The following GRIN2D variants were observed in gnomAD, a reference collection of about 807,000 sequenced individuals.
GRIN2D encodes the protein glutamate receptor ionotropic, NMDA 2D.
GRIN2D carries 37 observed loss-of-function variants against 103.2 expected under a neutral mutation model. The ratio of observed to expected loss-of-function variants is 0.36; its 90% CI spans 0.28 to 0.47. GRIN2D has a LOEUF of 0.47. Ranked by LOEUF, GRIN2D falls within the 20% of genes least tolerant of loss-of-function variation. The pLI, the probability that GRIN2D is intolerant of heterozygous loss-of-function variation, is 1.00. For synonymous variants in GRIN2D, 845 were observed against 885.6 expected (o/e 0.95, Z 0.81); for missense variants, 1,557 against 1,910.6 (o/e 0.81, Z 3.45).
intron 11 of GRIN2D, among the ~76,000 whole-genome samples, chr19:48,431,824 A>G (rs1971159861): frequency 6.6e-6 from 1 of 152,020 alleles, no homozygotes; most frequent in Admixed American, 6.6e-5. Flanking sequence ...ACCTCAGGTG[A>G]TCCACCCGCC....
Position 48,429,719 on chromosome 19 carries a change from G to GTA in GRIN2D, c.2252+7775_2252+7776insAT, listed in dbSNP as rs1370139257. ...CGGCCTAATTTTAATTTTTTAATGTGTGTGTGTGTGTGTGTGTGTGTAGAG... is the reference window on the plus strand; with the variant it reads ...CGGCCTAATTTTAATTTTTTAATGTGTATGTGTGTGTGTGTGTGTGTGTAGAG... On this transcript the variant is annotated intron_variant, in intron 11 of 13. Transcript: ENST00000263269. Among the ~76,000 whole-genome samples the GTA allele has an allele frequency of 1.3e-5, 2 of 151,244 alleles. 1 individual carries two copies. The highest frequency in any genetic ancestry group is 4.2e-4 in the South Asian group (2 of 4,750).
chr19:48,397,527 G>T (rs547289906), intron 2 of GRIN2D, among the ~76,000 whole-genome samples: 2 of 151,724 alleles, frequency 1.3e-5, no homozygotes, highest in East Asian at 3.9e-4. Context: ...TTATGTGCGC[G>T]TGTCTCTTGG....
At chr19:48,406,008 A>C (rs944002910) in intron 4 of GRIN2D, among the ~76,000 whole-genome samples, 3 of 152,226 alleles carry the variant, frequency 2.0e-5, no homozygotes, top group Non-Finnish European at 2.9e-5. Flanking sequence ...GACACGCCTC[A>C]TACCTTACTG....
intron 3 of GRIN2D, among the ~76,000 whole-genome samples, chr19:48,402,132 G>T (rs4009670): frequency 0.33 from 45,348 of 138,750 alleles, 7,627 homozygotes; most frequent in East Asian, 0.49. Flanking sequence ...AAGAAAGAAA[G>T]AAAGAAAGAA....
At chr19:48,423,416 G>A (rs1971046997) in intron 11 of GRIN2D, among the ~76,000 whole-genome samples, 1 of 152,124 alleles carries the variant, frequency 6.6e-6, no homozygotes, top group Non-Finnish European at 1.5e-5. Flanking sequence ...CAATAAACAT[G>A]CAAACAGAAA....
At chr19:48,419,842 A>C in intron 10 of GRIN2D, 28 bp downstream of exon 10, 5 of 1,342,268 alleles carry the variant, frequency 3.7e-6, no homozygotes, top group Non-Finnish European at 4.0e-6. Context: ...GCTGGGCTGG[A>C]GCTGGGGCTG....
rs774341360 is a variant in GRIN2D, at chr19:48,413,951, C to G, written c.1086-40C>G. The G allele has an allele frequency of 6.8e-6, 8 of 1,178,030 alleles. No individual in the cohort carries two copies. In the Admixed American group the frequency reaches 1.4e-4, roughly 20 times the overall value. The allele number at this position is 1,178,030 out of a possible 1,614,324, so 73.0% of individuals were successfully genotyped here. ...TCTGCCTTCCGCTGCCAAGGTCCAG[C>G]CCAGGCCCCAGCATGTCCCCTTTCC... On this transcript the variant is annotated intron_variant, in intron 4 of 13. Coordinates refer to ENST00000263269, the MANE Select transcript of GRIN2D (RefSeq NM_000836.4).
chr19:48,402,777 A>C (rs1037651501), intron 3 of GRIN2D, among the ~76,000 whole-genome samples: 97 of 131,954 alleles, frequency 7.4e-4, no homozygotes, highest in African/African-American at 2.7e-3. Flanking sequence ...AGAGAGAGAG[A>C]GAGAGAGAGA....
rs1244394643 is a variant in GRIN2D, at chr19:48,413,963, C to A, written c.1086-28C>A. The A allele has an allele frequency of 8.5e-6, 11 of 1,288,384 alleles. No homozygotes were observed. The South Asian group carries it at 1.3e-4, about 15-fold the overall frequency. 79.8% of individuals were successfully genotyped at this position (1,288,384 alleles called of 1,614,324 possible). A position where few individuals can be genotyped will look rare whatever the true frequency, so the allele number is the denominator to read the frequency against. ...TGCCAAGGTCCAGCCCAGGCCCCAG[C>A]ATGTCCCCTTTCCCTCCTCCTGGGC... On this transcript the variant is annotated intron_variant, in intron 4 of 13. Transcript: ENST00000263269.
chr19:48,402,765 C>A (rs1178245530), intron 3 of GRIN2D, among the ~76,000 whole-genome samples: 11 of 108,958 alleles, frequency 1.0e-4, no homozygotes, highest in South Asian at 3.3e-4. Context: ...TACTCCTTTA[C>A]GAGAGAGAGA....
chr19:48,414,135 G>A lies in GRIN2D; in HGVS notation c.1200+30G>A. 1 of 1,334,918 alleles carries A rather than the reference G, an allele frequency of 7.5e-7. No homozygotes were observed. Among genetic ancestry groups the A allele is most frequent in the Non-Finnish European group, 1.1e-6 (1 of 927,062 alleles). 82.7% of individuals were successfully genotyped at this position (1,334,918 alleles called of 1,614,324 possible). A position where few individuals can be genotyped will look rare whatever the true frequency, so the allele number is the denominator to read the frequency against. On this transcript the variant is annotated intron_variant, in intron 5 of 13. Coordinates refer to ENST00000263269, the MANE Select transcript of GRIN2D (RefSeq NM_000836.4). This position sits in a 1 kb window ranked among gnomAD's most constrained non-coding sequence, Gnocchi z 4.6. ...GTCGTAGCCCCAGACCTCAGGCATG[G>A]CAGAGGGTGTGGACTCCTGCATCCT...
chr19:48,419,187 A>T (rs1022221458), intron 8 of GRIN2D, 47 bp from the exon 9 acceptor site: 7 of 1,572,786 alleles, frequency 4.5e-6, no homozygotes, highest in African/African-American at 1.4e-5. Context: ...CTGATCCCCG[A>T]GTCTTTTGCT....
At chr19:48,397,393 T>A (rs1970656536) in intron 2 of GRIN2D, among the ~76,000 whole-genome samples, 1 of 152,084 alleles carries the variant, frequency 6.6e-6, no homozygotes, top group South Asian at 2.1e-4. Context: ...CCGCCTTACT[T>A]TCATGTCTGT....
chr19:48,417,657 C>G (rs1297175295), intron 8 of GRIN2D, among the ~76,000 whole-genome samples: 2 of 152,176 alleles, frequency 1.3e-5, no homozygotes, highest in Admixed American at 6.6e-5. Flanking sequence ...CCACGTGGGG[C>G]CCCTGCTTGC....
intron 2 of GRIN2D, among the ~76,000 whole-genome samples, chr19:48,396,522 C>T (rs1182748297): frequency 1.3e-5 from 2 of 151,478 alleles, no homozygotes; most frequent in Non-Finnish European, 1.5e-5. Flanking sequence ...CCCGCGGGGG[C>T]CAGGCCACAG....
intron 11 of GRIN2D, 46 bp from the exon 12 acceptor site, chr19:48,441,723 G>A (rs1177934817): frequency 6.0e-6 from 9 of 1,507,736 alleles, no homozygotes; most frequent in Non-Finnish European, 7.2e-6. Context: ...GGCGGCCAGG[G>A]CATCTAGGTG....
At position 48,421,420 on chromosome 19, in the gene GRIN2D, C is replaced by A. The variant is rs1207575572; in HGVS notation, c.2092-365C>A. Among the ~76,000 whole-genome samples the A allele has an allele frequency of 5.0e-5, 5 of 99,218 alleles. No homozygotes were observed. In the Admixed American group the frequency reaches 5.1e-4, roughly 10 times the overall value. 65.1% of individuals were successfully genotyped at this position (99,218 alleles called of 152,430 possible). A position where few individuals can be genotyped will look rare whatever the true frequency, so the allele number is the denominator to read the frequency against. ...TCCAGCCTGGGCAACAAGAGCAAGA[C>A]TCCGTTTAAAAAAAAAAAAGTGAAC... On this transcript the variant is annotated intron_variant, in intron 10 of 13. Coordinates refer to ENST00000263269, the MANE Select transcript of GRIN2D (RefSeq NM_000836.4). The surrounding 1 kb of genome is among the most constrained non-coding windows in gnomAD (Gnocchi z 4.8).
chr19:48,412,479 A>AAGAAAGAAAG (rs1555892674), intron 4 of GRIN2D, among the ~76,000 whole-genome samples: 1 of 136,798 alleles, frequency 7.3e-6, no homozygotes, highest in Non-Finnish European at 1.6e-5. Context: ...GAAAGAAAGA[A>AAGAAAGAAAG]AGAGAGAGAA....
intron 10 of GRIN2D, among the ~76,000 whole-genome samples, chr19:48,420,435 C>CA (rs1235841125): frequency 1.3e-5 from 2 of 151,938 alleles, no homozygotes; most frequent in Non-Finnish European, 2.9e-5. Context: ...CTCAAAAAAA[C>CA]AAAAAACTGC....
Sources: allele counts gnomAD v4.1 joint callset (sites outside exome capture counted in the v4.1 genomes callset), GRCh38; gene constraint gnomAD v4.1.1; non-coding constraint Gnocchi (gnomAD v3.1); transcripts MANE v1.5; gene names NCBI Gene and HGNC (gene_info 2026-07-23, HGNC 2026-07-21).